ZNF610: variants seen among roughly 807,000 people sequenced by gnomAD.
ZNF610 encodes zink finger protein.
A neutral mutation model predicts 14.1 loss-of-function variants in ZNF610; 14 were observed. The observed-to-expected ratio is 0.99, with a 90% CI of 0.65 to 1.55. The LOEUF (loss-of-function observed/expected upper bound fraction) is 1.55, where lower values mean the gene tolerates loss of function less well. Ranked by LOEUF, ZNF610 falls within the 40% of genes most tolerant of loss-of-function variation. ZNF610 has a pLI of 0.00. For missense variants in ZNF610, 530 were observed against 558.0 expected, an observed-to-expected ratio of 0.95 and a Z score of 0.51; for synonymous variants, 185 against 187.6, an observed-to-expected ratio of 0.99 and a Z score of 0.11.
At chr19:52,332,460 A>G (rs1339085635), upstream of ZNF610, among the ~76,000 whole-genome samples, 1 of 152,180 alleles carries the variant, frequency 6.6e-6, no homozygotes, top group Non-Finnish European at 1.5e-5. The surrounding 1 kb of genome is among the most constrained non-coding windows in gnomAD (Gnocchi z 4.1). Flanking sequence ...TGCCATTATC[A>G]TCTTCTTATT....
chr19:52,346,163 TAA>T lies in ZNF610; in HGVS notation c.-257-1542_-257-1541del, dbSNP rs1471116210. Among the ~76,000 whole-genome samples the T allele has an allele frequency of 6.0e-5, 9 of 151,242 alleles. No homozygotes were observed. The East Asian group carries it at 1.7e-3, about 29-fold the overall frequency. On this transcript the variant is annotated intron_variant, in intron 1 of 5. Coordinates refer to ENST00000403906, the MANE Select transcript of ZNF610 (RefSeq NM_001161425.2). ...ACAGGTGCCTGCCACTACACCCGGC[TAA>T]AGTTTGTATTTTGTTTTTTTTGTTT...
chr19:52,355,839 G>A (rs1348153626), intron 5 of ZNF610, among the ~76,000 whole-genome samples: 3 of 152,228 alleles, frequency 2.0e-5, no homozygotes, highest in African/African-American at 7.2e-5. Flanking sequence ...CGAGGCACGT[G>A]GGAAGATTGA....
At chr19:52,334,937 A>ACACACACACACACACACACACG (rs1555800366), upstream of ZNF610, among the ~76,000 whole-genome samples, 1 of 21,210 alleles carries the variant, frequency 4.7e-5, no homozygotes, top group Admixed American at 3.6e-4. Context: ...TCAAAAACAA[A>ACACACACACACACACACACACG]CACACACACA....
In ZNF610 at chr19:52,366,726, C is replaced by T; in HGVS notation, c.1348C>T (p.His450Tyr). The T allele has an allele frequency of 6.2e-7, 1 of 1,614,064 alleles. No homozygotes were observed. The highest frequency in any genetic ancestry group is 1.7e-4 in the Middle Eastern group (1 of 6,060). ...NPHLSRHRKIHAGENSLRTLQ... is the reference protein window; with the variant it reads ...NPHLSRHRKIYAGENSLRTLQ... ...ACACCTTTCACGACATCGGAAAATT[C>T]ATGCTGGAGAGAATTCACTGCGTAC... The change falls in exon 6 of 6, where the codon CAT becomes TAT. Residue 450 changes from histidine (H) to tyrosine (Y), a missense_variant. Physicochemically the swap from His to Tyr is moderately conservative, Grantham distance 83. Coordinates refer to ENST00000403906, the MANE Select transcript of ZNF610 (RefSeq NM_001161425.2).
Position 52,366,043 on chromosome 19 carries a change from A to T in ZNF610, c.665A>T (p.His222Leu). 1 of 1,614,106 alleles carries T rather than the reference A, an allele frequency of 6.2e-7. No individual in the cohort carries two copies. Among genetic ancestry groups the T allele is most frequent in the African/African-American group, 1.3e-5 (1 of 75,042 alleles). ...VFRVRASLTN[H>L]QVIHTAEKPY... ...AGAGTCCGTGCAAGCCTTACTAACC[A>T]TCAAGTAATCCATACTGCAGAGAAA... The change falls in exon 6 of 6, where the codon CAT (histidine) becomes CTT (leucine). Residue 222 changes from histidine to leucine, a missense_variant. His to Leu is a moderately conservative substitution (Grantham distance 99, BLOSUM62 -3). Transcript: ENST00000403906.
intron 5 of ZNF610, among the ~76,000 whole-genome samples, chr19:52,363,796 C>A (rs1293453658): frequency 6.6e-6 from 1 of 152,072 alleles, no homozygotes; most frequent in Non-Finnish European, 1.5e-5. Context: ...TTAGTTGGAT[C>A]CTGTTTTGTT....
At position 52,365,887 on chromosome 19, in the gene ZNF610, G is replaced by A. The variant is rs372991875; in HGVS notation, c.509G>A (p.Ser170Asn). The change falls in exon 6 of 6, where the codon AGT (serine) becomes AAT (asparagine). Residue 170 changes from serine (S) to asparagine (N), a missense_variant. Ser to Asn is a conservative substitution (Grantham distance 46). Coordinates refer to ENST00000403906, the MANE Select transcript of ZNF610 (RefSeq NM_001161425.2). ...SVSPLQKISS[S>N]FTTHIFNKYR... ...TCACCACTTCAAAAAATTTCTTCTA[G>A]TTTCACAACACACATTTTTAATAAA... 2.5e-6 allele frequency: 4 copies of A among 1,613,070 alleles called. No individual in the cohort carries two copies. The highest frequency in any genetic ancestry group is 3.4e-6 in the Non-Finnish European group (4 of 1,179,718).
chr19:52,349,707 T>C (rs1277341774), intron 3 of ZNF610, among the ~76,000 whole-genome samples: 19 of 151,856 alleles, frequency 1.3e-4, no homozygotes, highest in Admixed American at 1.2e-3. Context: ...GTAGCTGAGA[T>C]TACAGGTGCC....
intron 3 of ZNF610, among the ~76,000 whole-genome samples, chr19:52,350,381 T>C (rs768987755): frequency 5.3e-5 from 8 of 152,132 alleles, no homozygotes; most frequent in Non-Finnish European, 1.2e-4. Flanking sequence ...TGTAGAAATA[T>C]ATTTATACAG....
chr19:52,352,481 G>A (rs1441730649), intron 3 of ZNF610, among the ~76,000 whole-genome samples: 2 of 151,996 alleles, frequency 1.3e-5, no homozygotes, highest in African/African-American at 2.4e-5. Flanking sequence ...CAGGTGATCC[G>A]CCCATCTTGG....
At chr19:52,350,375 G>A (rs1236558487) in intron 3 of ZNF610, among the ~76,000 whole-genome samples, 1 of 152,100 alleles carries the variant, frequency 6.6e-6, no homozygotes, top group Non-Finnish European at 1.5e-5. Flanking sequence ...ATGTCCTGTA[G>A]AAATATATTT....
upstream of ZNF610, among the ~76,000 whole-genome samples, chr19:52,331,727 C>T (rs955613482): frequency 4.6e-5 from 7 of 152,320 alleles, no homozygotes; most frequent in East Asian, 3.9e-4. Flanking sequence ...GTGAACCAAA[C>T]GGCTGACTGA....
chr19:52,353,871 C>T lies in ZNF610; in HGVS notation c.190+63C>T, dbSNP rs1042255390. The T allele has an allele frequency of 2.4e-5, 37 of 1,546,372 alleles. No individual in the cohort carries two copies. In the African/African-American group the frequency reaches 3.9e-4, roughly 16 times the overall value. On this transcript the variant is annotated intron_variant, in intron 4 of 5. Transcript: ENST00000403906. ...TAATCTGTCTTTGCATTTTCTCTTGCGTGCCTCTTGGGAGCCCCTAAATTG... is the reference window on the plus strand; with the variant it reads ...TAATCTGTCTTTGCATTTTCTCTTGTGTGCCTCTTGGGAGCCCCTAAATTG...
upstream of ZNF610, among the ~76,000 whole-genome samples, chr19:52,331,976 G>A (rs956403195): frequency 1.3e-5 from 2 of 152,200 alleles, no homozygotes; most frequent in African/African-American, 4.8e-5. Context: ...CCTGAACAGC[G>A]ACAGTGGCAT....
chr19:52,357,984 G>A (rs1985612269), intron 5 of ZNF610, among the ~76,000 whole-genome samples: 2 of 152,114 alleles, frequency 1.3e-5, no homozygotes, highest in Admixed American at 6.6e-5. Context: ...GTGTTCAGCT[G>A]TCCAGAAGCT....
At chr19:52,344,316 G>T (rs1357253845) in intron 1 of ZNF610, among the ~76,000 whole-genome samples, 1 of 102,624 alleles carries the variant, frequency 9.7e-6, no homozygotes, top group African/African-American at 3.7e-5. Flanking sequence ...TTAGGATTCT[G>T]TGACCCCCCC....
At chr19:52,333,386 G>A (rs541932140), upstream of ZNF610, among the ~76,000 whole-genome samples, 11 of 152,306 alleles carry the variant, frequency 7.2e-5, no homozygotes, top group South Asian at 8.3e-4. Flanking sequence ...AGGGACCGGC[G>A]CAGACACAGG....
intron 2 of ZNF610, 100 bp from the exon 3 acceptor site, chr19:52,349,054 A>G (rs1266081965): frequency 1.3e-6 from 1 of 781,342 alleles, no homozygotes; most frequent in Non-Finnish European, 2.1e-6. Flanking sequence ...AACAGAGGAC[A>G]TCTTTCCGCA....
At chr19:52,332,083 C>G (rs62111466), upstream of ZNF610, among the ~76,000 whole-genome samples, 1 of 152,184 alleles carries the variant, frequency 6.6e-6, no homozygotes, top group African/African-American at 2.4e-5. The surrounding 1 kb of genome is among the most constrained non-coding windows in gnomAD (Gnocchi z 4.1). Context: ...ACGAGTCTGC[C>G]GGCAGCGGAT....
Sources: allele counts gnomAD v4.1 joint callset (sites outside exome capture counted in the v4.1 genomes callset), GRCh38; gene constraint gnomAD v4.1.1; non-coding constraint Gnocchi (gnomAD v3.1); transcripts MANE v1.5; gene names NCBI Gene and HGNC (gene_info 2026-07-23, HGNC 2026-07-21).